Variants in CHADL observed in about 807,000 individuals in gnomAD.
CHADL encodes the protein chondroadherin-like protein.
Under a neutral mutation model 52.1 loss-of-function variants are expected in CHADL, and 48 were observed. The ratio of observed to expected loss-of-function variants is 0.92; its 90% CI spans 0.73 to 1.17. The LOEUF (loss-of-function observed/expected upper bound fraction) is 1.17. CHADL is among the 50% of genes most tolerant of loss of function. CHADL has a pLI of 0.00. For missense variants in CHADL, 977 were observed against 1,035.1 expected (o/e 0.94, Z 0.77); for synonymous variants, 498 against 511.2 (o/e 0.97, Z 0.35).
intron 5 of CHADL, 88 bp downstream of exon 5, chr22:41,235,057 C>G: frequency 1.5e-6 from 2 of 1,362,654 alleles, no homozygotes; most frequent in Non-Finnish European, 2.0e-6. Flanking sequence ...GAATCAGGAC[C>G]AAGCCAAGTC....
Position 41,238,929 on chromosome 22 carries a change from C to T in CHADL, c.187-44G>A, listed in dbSNP as rs2032808923. 2 of 1,484,016 alleles carry T rather than the reference C, an allele frequency of 1.3e-6. No homozygotes were observed. The highest frequency in any genetic ancestry group is 1.8e-6 in the Non-Finnish European group (2 of 1,112,144). 91.9% of individuals were successfully genotyped at this position (1,484,016 alleles called of 1,614,324 possible). A position where few individuals can be genotyped will look rare whatever the true frequency, so the allele number is the denominator to read the frequency against. On this transcript the variant is annotated intron_variant, in intron 2 of 5. Transcript: ENST00000216241. This position sits in a 1 kb window ranked among gnomAD's most constrained non-coding sequence, Gnocchi z 4.9. ...AAGTGGGGCTGAGCCAGGCAGGGACCCCGCCTTTGCAAGTGCTGCTTCTTC... is the reference window on the plus strand; with the variant it reads ...AAGTGGGGCTGAGCCAGGCAGGGACTCCGCCTTTGCAAGTGCTGCTTCTTC...
In CHADL at chr22:41,230,458, A is replaced by G. The variant is rs575033107; in HGVS notation, c.2263-728T>C. 3 of 540,106 alleles carry G rather than the reference A, an allele frequency of 5.6e-6. No individual in the cohort carries two copies. In the Admixed American group the frequency reaches 1.0e-4, roughly 19 times the overall value. The allele number at this position is 540,106 out of a possible 1,614,324, so 33.5% of individuals were successfully genotyped here. On this transcript the variant is annotated intron_variant, in intron 5 of 5. Transcript: ENST00000216241. ...TCTGCCCTCCCCTGTGGAAAGGTCT[A>G]TATGACGGGCCGCCTGAGGCCCCAG...
intron 5 of CHADL, among the ~76,000 whole-genome samples, chr22:41,234,475 G>T (rs1281703545): frequency 6.6e-6 from 1 of 151,506 alleles, no homozygotes; most frequent in African/African-American, 2.4e-5. Context: ...TCTGCCTCCC[G>T]GGTTCAAGCG....
chr22:41,239,371 G>T, intron 2 of CHADL, 72 bp downstream of exon 2: 1 of 1,421,296 alleles, frequency 7.0e-7, no homozygotes, highest in African/African-American at 1.4e-5. Flanking sequence ...CTGGTGCCCA[G>T]CCCAGGCTCC....
chr22:41,230,221 C>G (rs145649779), intron 5 of CHADL: 4 of 1,613,676 alleles, frequency 2.5e-6, no homozygotes, highest in Non-Finnish European at 2.5e-6. Flanking sequence ...CTGTCTCCGT[C>G]GAGAACATCA....
rs1479665065 is a variant in CHADL at position 41,238,633 on chromosome 22, C to T, written c.439G>A (p.Glu147Lys). 1 of 1,544,298 alleles carries T rather than the reference C, an allele frequency of 6.5e-7. No homozygotes were observed. The highest frequency in any genetic ancestry group is 2.0e-5 in the Admixed American group (1 of 50,948). The change falls in exon 3 of 6, where the codon GAG becomes AAG. Residue 147 changes from glutamate (E) to lysine (K), a missense_variant. Coordinates refer to ENST00000216241, the MANE Select transcript of CHADL (RefSeq NM_138481.2). This position sits in a 1 kb window ranked among gnomAD's most constrained non-coding sequence, Gnocchi z 4.9. ...RRLELEGNAL[E>K]ELRPGTFGAL... ...CCGAACGTCCCCGGCCGCAGCTCCT[C>T]CAGTGCGTTCCCCTCCAGCTCCAGC...
chr22:41,230,470 G>A (rs907838787), intron 5 of CHADL: 14 of 519,152 alleles, frequency 2.7e-5, no homozygotes, highest in Middle Eastern at 5.0e-4. Context: ...ATGACGGGCC[G>A]CCTGAGGCCC....
In CHADL at chr22:41,232,212, A is replaced by G. The variant is rs536947936; in HGVS notation, c.2263-2482T>C. Among the ~76,000 whole-genome samples, 295 of 152,002 alleles carry G rather than the reference A, an allele frequency of 1.9e-3. 3 individuals carry two copies. In the East Asian group the frequency reaches 0.022, roughly 11 times the overall value. ...CCGGGCGTGGTGGCAGTCACCTGTA[A>G]TCCCAGCTACTCGGGAGGCTGAGGC... On this transcript the variant is annotated intron_variant, in intron 5 of 5. Transcript: ENST00000216241.
chr22:41,229,880 C>T, intron 5 of CHADL, 150 bp from the exon 6 acceptor site: 1 of 772,990 alleles, frequency 1.3e-6, no homozygotes. Context: ...CCCTCCTCCT[C>T]CTCCATCTCT....
At position 41,237,550 on chromosome 22, in the gene CHADL, G is replaced by T. The variant is rs1340316865; in HGVS notation, c.1522C>A (p.Arg508Ser). The change falls in exon 3 of 6, where the codon CGT becomes AGT. Residue 508 changes from arginine to serine, a missense_variant. Arg to Ser is a moderately radical substitution (Grantham distance 110). Coordinates refer to ENST00000216241, the MANE Select transcript of CHADL (RefSeq NM_138481.2). Reference protein sequence around the residue: ...RLGYLYLERNRFLQVPGAALR... With the variant: ...RLGYLYLERNSFLQVPGAALR... Reference sequence around the variant, plus strand: ...GCAGCCCCTGGCACCTGCAGGAAACGGTTGCGTTCTAGGTACAGGTAGCCG... The same window carrying T: ...GCAGCCCCTGGCACCTGCAGGAAACTGTTGCGTTCTAGGTACAGGTAGCCG... 6.4e-7 allele frequency: 1 copy of T among 1,550,530 alleles called. No homozygotes were observed. Among genetic ancestry groups the T allele is most frequent in the Non-Finnish European group, 8.7e-7 (1 of 1,146,924 alleles).
At chr22:41,236,777 A>G (rs1487422152) in intron 3 of CHADL, 127 bp from the exon 4 acceptor site, 3 of 952,092 alleles carry the variant, frequency 3.2e-6, no homozygotes, top group Admixed American at 2.9e-5. Context: ...CCAGCCAGGA[A>G]GTGCAGCGCT....
chr22:41,235,426 AGGGTT>A, intron 4 of CHADL, 83 bp from the exon 5 acceptor site: 1 of 1,146,464 alleles, frequency 8.7e-7, no homozygotes, highest in Non-Finnish European at 1.3e-6. Context: ...GGTGTGGGGC[AGGGTT>A]GGTGCAGAAG....
In CHADL at chr22:41,238,692, TG is replaced by T; in HGVS notation, c.379del (p.Gln127ArgfsTer37). 6.5e-7 allele frequency: 1 copy of T among 1,546,512 alleles called. No homozygotes were observed. ...CGAGCCCAGCCCGTCCAGCGCCTCC[TG>T]GGGCAGCTCACGCAGGTGGTTGGAG... is the stretch of plus-strand genomic sequence containing the variant. ...LASNHLRELP[Q>X]EALDGLGSLR... On this transcript the variant is annotated frameshift_variant, in exon 3 of 6. Coordinates refer to ENST00000216241, the MANE Select transcript of CHADL (RefSeq NM_138481.2). LOFTEE classifies it high-confidence loss of function. This position sits in a 1 kb window ranked among gnomAD's most constrained non-coding sequence, Gnocchi z 4.9.
At position 41,237,966 on chromosome 22, in the gene CHADL, T is replaced by C; in HGVS notation, c.1106A>G (p.Glu369Gly). 1.6e-6 allele frequency: 2 copies of C among 1,260,764 alleles called. No homozygotes were observed. The highest frequency in any genetic ancestry group is 3.3e-5 in the East Asian group (1 of 30,396). The allele number at this position is 1,260,764 out of a possible 1,614,324, so 78.1% of individuals were successfully genotyped here. Residue 369 changes from glutamate to glycine, a missense_variant, in exon 3 of 6, where the codon GAA (glutamate) becomes GGA (glycine). Physicochemically the swap from Glu to Gly is moderately conservative, Grantham distance 98. Transcript: ENST00000216241. Reference protein sequence around the residue: ...GDAAQEEEELEERAVAGPRAP... With the variant: ...GDAAQEEEELGERAVAGPRAP... ...GCGGGGCCCGGCCACAGCCCGCTCTTCCAGCTCTTCCTCTTCCTGCGCCGC... is the reference window on the plus strand; with the variant it reads ...GCGGGGCCCGGCCACAGCCCGCTCTCCCAGCTCTTCCTCTTCCTGCGCCGC...
chr22:41,238,070 G>A lies in CHADL; in HGVS notation c.1002C>T (p.Gly334=). The change falls in exon 3 of 6, where the codon GGC becomes GGT. Residue 334 remains glycine, a synonymous_variant. Transcript: ENST00000216241. The surrounding 1 kb of genome is among the most constrained non-coding windows in gnomAD (Gnocchi z 4.9). ...GCAGGCGCCGCGGCCCCTGGCACGC[G>A]CCGTCCGAGCGCACGCGCGCCCGCG... ...WLARARVRSD[G]ACQGPRRLRG... The A allele has an allele frequency of 7.8e-7, 1 of 1,279,084 alleles. No homozygotes were observed. The highest frequency in any genetic ancestry group is 2.8e-5 in the South Asian group (1 of 35,848). 79.2% of individuals were successfully genotyped at this position (1,279,084 alleles called of 1,614,324 possible).
In CHADL at chr22:41,238,644, C is replaced by T; in HGVS notation, c.428G>A (p.Gly143Glu). 6.5e-7 allele frequency: 1 copy of T among 1,544,070 alleles called. No homozygotes were observed. Among genetic ancestry groups the T allele is most frequent in the Non-Finnish European group, 8.7e-7 (1 of 1,145,972 alleles). Reference protein sequence around the residue: ...LGSLRRLELEGNALEELRPGT... With the variant: ...LGSLRRLELEENALEELRPGT... ...CGGCCGCAGCTCCTCCAGTGCGTTC[C>T]CCTCCAGCTCCAGCCGCCGCAACGA... is the stretch of plus-strand genomic sequence containing the variant. The change falls in exon 3 of 6, where the codon GGG (glycine) becomes GAG (glutamate). Residue 143 changes from glycine (G) to glutamate (E), a missense_variant. By Grantham distance (98) the Gly-to-Glu change is moderately conservative. Transcript: ENST00000216241. This position sits in a 1 kb window ranked among gnomAD's most constrained non-coding sequence, Gnocchi z 4.9.
rs2032787658 is a variant in CHADL at position 41,238,257 on chromosome 22, CTGGG to C, written c.811_814del (p.Pro271GlyfsTer19). ...CAGGCGCGGACAGTGTGCGAAGGCC[CTGGG>C]ACCCAGGGCCTGCAGGGCCCCGCCG... On this transcript the variant is annotated frameshift_variant, in exon 3 of 6. Coordinates refer to ENST00000216241, the MANE Select transcript of CHADL (RefSeq NM_138481.2). LOFTEE classifies it high-confidence loss of function. This position sits in a 1 kb window ranked among gnomAD's most constrained non-coding sequence, Gnocchi z 4.9. The C allele has an allele frequency of 2.0e-6, 3 of 1,530,624 alleles. No homozygotes were observed. The highest frequency in any genetic ancestry group is 2.4e-5 in the South Asian group (2 of 83,758). 94.8% of individuals were successfully genotyped at this position (1,530,624 alleles called of 1,614,324 possible).
intron 1 of CHADL, 119 bp downstream of exon 1, chr22:41,240,755 A>G: frequency 1.5e-5 from 18 of 1,234,094 alleles, no homozygotes; most frequent in Non-Finnish European, 2.1e-5. Context: ...GGAGAACCCC[A>G]GGAAGTCCCC....
rs373887902 is a variant in CHADL at position 41,229,633 on chromosome 22, C to G, written c.*71G>C. 1.9e-6 allele frequency: 3 copies of G among 1,613,656 alleles called. No individual in the cohort carries two copies. In the Admixed American group the frequency reaches 5.0e-5, roughly 27 times the overall value. On this transcript the variant is annotated 3_prime_UTR_variant, in exon 6 of 6. Coordinates refer to ENST00000216241, the MANE Select transcript of CHADL (RefSeq NM_138481.2). The stretch of plus-strand genomic sequence containing the variant: ...GACCCTCAGGGTGCCAGGAAGATCT[C>G]GTCGGAGCCTGTTCCTGGCGAGAGT...
Sources: gnomAD v4.1 joint callset for allele counts (sites outside exome capture counted in the v4.1 genomes callset) on GRCh38, gnomAD v4.1.1 for gene constraint, Gnocchi (gnomAD v3.1) non-coding constraint, MANE v1.5 for transcripts, NCBI Gene and HGNC (gene_info 2026-07-23, HGNC 2026-07-21) for gene names.